The following SNTB2 variants were observed in gnomAD, a reference collection of about 807,000 sequenced individuals.
SNTB2 encodes the protein beta-2-syntrophin.
In SNTB2, 34 loss-of-function variants were observed where a neutral mutation model predicts 46.2. The observed-to-expected ratio is 0.74, with a 90% CI of 0.56 to 0.98. The LOEUF (loss-of-function observed/expected upper bound fraction) is 0.98, where lower values mean the gene tolerates loss of function less well. Ranked by LOEUF, SNTB2 falls within the 50% of genes least tolerant of loss-of-function variation. The pLI, the probability that SNTB2 is intolerant of heterozygous loss-of-function variation, is 0.00. For synonymous variants in SNTB2, 290 were observed against 312.6 expected (o/e 0.93, Z 0.76); for missense variants, 603 against 731.4 (o/e 0.82, Z 2.02).
chr16:69,278,532 C>T (rs1307017862), intron 4 of SNTB2, among the ~76,000 whole-genome samples: 8 of 150,930 alleles, frequency 5.3e-5, no homozygotes, highest in East Asian at 3.9e-4. Context: ...CTCTGCTCAC[C>T]GCAACCTCCA....
At chr16:69,221,416 T>A (rs1856067752) in intron 1 of SNTB2, among the ~76,000 whole-genome samples, 1 of 152,212 alleles carries the variant, frequency 6.6e-6, no homozygotes, top group Non-Finnish European at 1.5e-5. Flanking sequence ...TCTGTTTTAC[T>A]TATAAGAAAC....
At chr16:69,234,640 A>T (rs888867175) in intron 1 of SNTB2, among the ~76,000 whole-genome samples, 1 of 152,158 alleles carries the variant, frequency 6.6e-6, no homozygotes, top group African/African-American at 2.4e-5. Flanking sequence ...AACAACTGAT[A>T]AGGAAAGGAA....
chr16:69,218,091 A>G (rs1475487483), intron 1 of SNTB2, among the ~76,000 whole-genome samples: 2 of 152,240 alleles, frequency 1.3e-5, no homozygotes, highest in Non-Finnish European at 2.9e-5. Flanking sequence ...GTATAGCTCT[A>G]TAATTCATGT....
At chr16:69,277,152 G>T (rs565586066) in intron 4 of SNTB2, among the ~76,000 whole-genome samples, 58 of 152,250 alleles carry the variant, frequency 3.8e-4, no homozygotes, top group African/African-American at 1.3e-3. Flanking sequence ...TGAGACTTGG[G>T]TATTTGTCAC....
chr16:69,234,544 T>C (rs1394560122), intron 1 of SNTB2, among the ~76,000 whole-genome samples: 2 of 152,218 alleles, frequency 1.3e-5, no homozygotes, highest in African/African-American at 4.8e-5. Context: ...ATTTATTTTC[T>C]TTTTCTTTTC....
chr16:69,289,693 T>G (rs1343816528), intron 5 of SNTB2, among the ~76,000 whole-genome samples: 2 of 152,044 alleles, frequency 1.3e-5, no homozygotes, highest in African/African-American at 4.8e-5. Flanking sequence ...CCCAGCACTT[T>G]GGGAGGCTGA....
rs77686113 is a variant in SNTB2 at position 69,261,709 on chromosome 16, C to T, written c.1005+1449C>T. Among the ~76,000 whole-genome samples the T allele has an allele frequency of 7.2e-4, 110 of 152,224 alleles. 1 individual carries two copies. The East Asian group carries it at 0.019, about 26-fold the overall frequency. On this transcript the variant is annotated intron_variant, in intron 3 of 6. Coordinates refer to ENST00000336278, the MANE Select transcript of SNTB2 (RefSeq NM_006750.4). Reference sequence around the variant, plus strand: ...AAAACTGAATTGAATAGTAATTGTTCTGTGCTTTTGGCATTGTTCAAAATC... The same window carrying T: ...AAAACTGAATTGAATAGTAATTGTTTTGTGCTTTTGGCATTGTTCAAAATC...
chr16:69,294,778 G>A (rs1965206811), intron 5 of SNTB2, among the ~76,000 whole-genome samples: 1 of 151,380 alleles, frequency 6.6e-6, no homozygotes, highest in African/African-American at 2.4e-5. Context: ...CTGTGTTTAT[G>A]TACCTTCCTC....
At chr16:69,254,295 C>G (rs908875688) in intron 2 of SNTB2, among the ~76,000 whole-genome samples, 1 of 152,066 alleles carries the variant, frequency 6.6e-6, no homozygotes, top group African/African-American at 2.4e-5. Flanking sequence ...ACTCTCACTT[C>G]CAGAGGTAAC....
intron 1 of SNTB2, among the ~76,000 whole-genome samples, chr16:69,198,479 G>C (rs762180888): frequency 2.6e-5 from 4 of 152,102 alleles, no homozygotes; most frequent in African/African-American, 7.2e-5. Context: ...TTCTCTTTAA[G>C]GAGTTTGTGT....
chr16:69,212,655 A>G (rs1289968500), intron 1 of SNTB2, among the ~76,000 whole-genome samples: 2 of 130,428 alleles, frequency 1.5e-5, no homozygotes, highest in African/African-American at 3.0e-5. Context: ...TCTTTTTGAG[A>G]CGGAGTTTCA....
chr16:69,284,733 C>A (rs1965085521), intron 5 of SNTB2, among the ~76,000 whole-genome samples: 1 of 152,118 alleles, frequency 6.6e-6, no homozygotes, highest in South Asian at 2.1e-4. Context: ...AAGATCACAC[C>A]ACTGCACTCC....
chr16:69,232,208 C>CTTT (rs34688718), intron 1 of SNTB2, among the ~76,000 whole-genome samples: 1 of 136,594 alleles, frequency 7.3e-6, no homozygotes, highest in Non-Finnish European at 1.6e-5. Context: ...TTTCTTTTTT[C>CTTT]TTTTTTTTTT....
chr16:69,208,998 G>A (rs971943154), intron 1 of SNTB2, among the ~76,000 whole-genome samples: 1 of 152,046 alleles, frequency 6.6e-6, no homozygotes, highest in Non-Finnish European at 1.5e-5. Flanking sequence ...GTGTTTTTGA[G>A]ATGGAGTCTC....
At chr16:69,226,519 A>G (rs924563306) in intron 1 of SNTB2, among the ~76,000 whole-genome samples, 3 of 152,134 alleles carry the variant, frequency 2.0e-5, no homozygotes, top group Non-Finnish European at 4.4e-5. Flanking sequence ...CTTATGATAG[A>G]TAAGACTTCA....
At chr16:69,241,692 G>A (rs1964616490) in intron 1 of SNTB2, among the ~76,000 whole-genome samples, 1 of 151,320 alleles carries the variant, frequency 6.6e-6, no homozygotes, top group Admixed American at 6.6e-5. Context: ...CCCTTTGGGA[G>A]GCCAAGGCGG....
intron 5 of SNTB2, among the ~76,000 whole-genome samples, chr16:69,294,435 T>G (rs1965203620): frequency 6.6e-6 from 1 of 151,974 alleles, no homozygotes; most frequent in African/African-American, 2.4e-5. Context: ...CTATAAAGGA[T>G]TTTACAGGCT....
chr16:69,296,914 A>G (rs1965231579), intron 5 of SNTB2, among the ~76,000 whole-genome samples: 1 of 151,652 alleles, frequency 6.6e-6, no homozygotes, highest in African/African-American at 2.4e-5. Flanking sequence ...AGGCTGAGGC[A>G]TAAGAATCAT....
intron 1 of SNTB2, among the ~76,000 whole-genome samples, chr16:69,211,513 CATA>C (rs1964286343): frequency 9.6e-6 from 1 of 104,124 alleles, no homozygotes; most frequent in Non-Finnish European, 1.9e-5. Context: ...GCTTGGGCAA[CATA>C]ATGAGACCCC....
Sources: allele counts gnomAD v4.1 joint callset (sites outside exome capture counted in the v4.1 genomes callset), GRCh38; gene constraint gnomAD v4.1.1; transcripts MANE v1.5; gene names NCBI Gene and HGNC (gene_info 2026-07-23, HGNC 2026-07-21).